Variants in PLXNB2 observed in about 807,000 individuals in gnomAD.
PLXNB2 encodes plexin-B2.
A neutral mutation model predicts 202.6 loss-of-function variants in PLXNB2; 85 were observed. The ratio of observed to expected loss-of-function variants is 0.42; its 90% CI spans 0.35 to 0.50. PLXNB2 has a LOEUF of 0.50. Ranked by LOEUF, PLXNB2 falls within the 20% of genes least tolerant of loss-of-function variation. The pLI is 0.02. For synonymous variants in PLXNB2, 1,239 were observed against 1,137.6 expected (o/e 1.09, Z -1.79); for missense variants, 2,063 against 2,586.2 (o/e 0.80, Z 4.39).
intron 27 of PLXNB2, 96 bp from the exon 28 acceptor site, chr22:50,279,107 A>G: frequency 1.5e-6 from 2 of 1,353,194 alleles, no homozygotes; most frequent in Non-Finnish European, 1.0e-6. Flanking sequence ...TGCCCACCAC[A>G]GCGGCACCCT....
chr22:50,285,863 CA>C lies in PLXNB2; in HGVS notation c.2024del (p.Leu675ArgfsTer2). The C allele has an allele frequency of 6.2e-7, 1 of 1,612,960 alleles. No individual in the cohort carries two copies. Among genetic ancestry groups the C allele is most frequent in the Non-Finnish European group, 8.5e-7 (1 of 1,179,874 alleles). On this transcript the variant is annotated frameshift_variant, in exon 11 of 37. Coordinates refer to ENST00000359337, the MANE Select transcript of PLXNB2 (RefSeq NM_012401.4). LOFTEE classifies it high-confidence loss of function. Reference protein sequence around the residue: ...SCPQFLGPSPLVIPMNHETDV... With the variant: ...SCPQFLGPSPXVIPMNHETDV... ...CTGTCTCGTGGTTCATGGGGATCAC[CA>C]GGGGGCTGGGTCCCAGGAACTGGGG...
chr22:50,306,905 C>T (rs1004559713), intron 1 of PLXNB2, among the ~76,000 whole-genome samples: 1 of 152,240 alleles, frequency 6.6e-6, no homozygotes, highest in African/African-American at 2.4e-5. Flanking sequence ...CCGAATAGCC[C>T]GACCAGGGGC....
rs1454388486 is a variant in PLXNB2 at position 50,289,870 on chromosome 22, G to A, written c.715C>T (p.Pro239Ser). ...GCCAGCAGCGTGCGGTTCCGGGCCG[G>A]GTGCTTGTCCTGCTGGTTGAAGACA... is the stretch of plus-strand genomic sequence containing the variant. ...FFVFNQQDKH[P>S]ARNRTLLARM... Residue 239 changes from proline to serine, a missense_variant, in exon 3 of 37, where the codon CCG becomes TCG. By Grantham distance (74) the Pro-to-Ser change is moderately conservative. Coordinates refer to ENST00000359337, the MANE Select transcript of PLXNB2 (RefSeq NM_012401.4). The surrounding 1 kb of genome is among the most constrained non-coding windows in gnomAD (Gnocchi z 8.0). The A allele has an allele frequency of 4.3e-6, 7 of 1,613,272 alleles. No individual in the cohort carries two copies. The highest frequency in any genetic ancestry group is 3.3e-5 in the South Asian group (3 of 91,090).
chr22:50,280,814 C>A lies in PLXNB2; in HGVS notation c.3923G>T (p.Arg1308Leu). The A allele has an allele frequency of 6.2e-7, 1 of 1,613,310 alleles. No individual in the cohort carries two copies. Among genetic ancestry groups the A allele is most frequent in the Non-Finnish European group, 8.5e-7 (1 of 1,179,932 alleles). ...ITGKLDIPEPRRPVVEQALYQ... is the reference protein window; with the variant it reads ...ITGKLDIPEPLRPVVEQALYQ... ...GAGGGCCTGCTCCACCACCGGCCGC[C>A]GCGGCTCAGGGATGTCCAGCTTGCC... Residue 1308 changes from arginine (R) to leucine (L), a missense_variant, in exon 24 of 37, where the codon CGG becomes CTG. Around this residue, in one of 2 missense-constraint regions of PLXNB2, gnomAD observed 760 missense variants for 1,109.4 expected, o/e 0.69. Transcript: ENST00000359337.
chr22:50,289,164 T>A lies in PLXNB2; in HGVS notation c.1069-22A>T. On this transcript the variant is annotated intron_variant, in intron 3 of 36. Transcript: ENST00000359337. This position sits in a 1 kb window ranked among gnomAD's most constrained non-coding sequence, Gnocchi z 8.0. ...AGCCCTGCGGACCACAGCGTGTCAA[T>A]GGCAGGCAGACCCCCTGTCCTGAAG... 1 of 1,535,362 alleles carries A rather than the reference T, an allele frequency of 6.5e-7. No homozygotes were observed.
intron 27 of PLXNB2, 22 bp from the exon 28 acceptor site, chr22:50,279,033 A>C: frequency 1.3e-6 from 2 of 1,586,880 alleles, no homozygotes; most frequent in South Asian, 1.2e-5. Flanking sequence ...TCCGGGATGA[A>C]GCCCAGTGGG....
chr22:50,301,626 C>G (rs1293737140), intron 1 of PLXNB2, among the ~76,000 whole-genome samples: 1 of 152,210 alleles, frequency 6.6e-6, no homozygotes, highest in African/African-American at 2.4e-5. Flanking sequence ...CCAGCTCAAC[C>G]CCGCAGCAGC....
chr22:50,286,233 G>A lies in PLXNB2; in HGVS notation c.1817C>T (p.Thr606Met), dbSNP rs751022390. The change falls in exon 9 of 37, where the codon ACG (threonine) becomes ATG (methionine). Residue 606 changes from threonine (T) to methionine (M), a missense_variant. This residue lies in a region of PLXNB2 where 1,303 missense variants were observed against 1,476.8 expected (regional missense o/e 0.88). Transcript: ENST00000359337. ...GTCGTAGAAGGGGTACTGGTAGGACGTGAGGAAGATGTTGCCTCGTCTAAG... is the reference window on the plus strand; with the variant it reads ...GTCGTAGAAGGGGTACTGGTAGGACATGAGGAAGATGTTGCCTCGTCTAAG... ...LLLRRGNIFL[T>M]SYQYPFYDCR... 23 of 1,613,304 alleles carry A rather than the reference G, an allele frequency of 1.4e-5. No homozygotes were observed. The East Asian group carries it at 1.8e-4, about 13-fold the overall frequency.
intron 1 of PLXNB2, among the ~76,000 whole-genome samples, chr22:50,307,123 G>A (rs2067914462): frequency 6.6e-6 from 1 of 152,176 alleles, no homozygotes; most frequent in South Asian, 2.1e-4. Context: ...CGCCAAGCAG[G>A]CCCCAGGGGG....
rs754714515 is a variant in PLXNB2 at position 50,281,607 on chromosome 22, G to A, written c.3481C>T (p.Arg1161Trp). The part of the protein sequence containing the change: ...PPEVQPPPKR[R>W]QKRDTTHNLP... ...TTGTGTGTGGTGTCTCGTTTCTGCCGCCGCTTGGGCGGGGGCTGCACCTCC... is the reference window on the plus strand; with the variant it reads ...TTGTGTGTGGTGTCTCGTTTCTGCCACCGCTTGGGCGGGGGCTGCACCTCC... The change falls in exon 21 of 37, where the codon CGG becomes TGG. Residue 1161 changes from arginine to tryptophan, a missense_variant. Arg to Trp is a moderately radical substitution (Grantham distance 101). This residue lies in a region of PLXNB2 where 760 missense variants were observed against 1,109.4 expected (regional missense o/e 0.69). Coordinates refer to ENST00000359337, the MANE Select transcript of PLXNB2 (RefSeq NM_012401.4). 26 of 1,609,884 alleles carry A rather than the reference G, an allele frequency of 1.6e-5. No individual in the cohort carries two copies. The highest frequency in any genetic ancestry group is 2.2e-5 in the East Asian group (1 of 44,808).
intron 1 of PLXNB2, among the ~76,000 whole-genome samples, chr22:50,304,968 C>T (rs1247679437): frequency 2.0e-5 from 3 of 152,210 alleles, no homozygotes; most frequent in South Asian, 2.1e-4. Flanking sequence ...CCAAGGAGGG[C>T]GGCCAGGCTG....
rs192965378 is a variant in PLXNB2, at chr22:50,288,030, C to T, written c.1388G>A (p.Arg463Gln). The change falls in exon 6 of 37, where the codon CGG becomes CAG. Residue 463 changes from arginine (R) to glutamine (Q), a missense_variant. By Grantham distance (43) the Arg-to-Gln change is conservative. Transcript: ENST00000359337. This position sits in a 1 kb window ranked among gnomAD's most constrained non-coding sequence, Gnocchi z 5.0. Reference sequence around the variant, plus strand: ...GCTCAGGCACTCCTGCACCGGCAGCCGGAACACCTAGGGCAGCGGGGCCGT... The same window carrying T: ...GCTCAGGCACTCCTGCACCGGCAGCTGGAACACCTAGGGCAGCGGGGCCGT... ...LYAMTQDKVFRLPVQECLSYP... is the reference protein window; with the variant it reads ...LYAMTQDKVFQLPVQECLSYP... 410 of 1,558,448 alleles carry T rather than the reference C, an allele frequency of 2.6e-4. 5 individuals carry two copies. The East Asian group carries it at 8.6e-3, about 33-fold the overall frequency.
rs761785573 is a variant in PLXNB2, at chr22:50,290,013, G to C, written c.572C>G (p.Thr191Ser). ...GGCTTCAAAGGCCTCCCTGCTGTCA[G>C]TCCGGTCCAACAGCCGAGTGCTCAC... ...IIVSTRLLDR[T>S]DSREAFEAYT... Residue 191 changes from threonine to serine, a missense_variant, in exon 3 of 37, where the codon ACT (threonine) becomes AGT (serine). By Grantham distance (58) the Thr-to-Ser change is moderately conservative (BLOSUM62 1). Coordinates refer to ENST00000359337, the MANE Select transcript of PLXNB2 (RefSeq NM_012401.4). 10 of 1,613,304 alleles carry C rather than the reference G, an allele frequency of 6.2e-6. No homozygotes were observed. In the Admixed American group the frequency reaches 1.2e-4, roughly 19 times the overall value.
Position 50,284,798 on chromosome 22 carries a change from A to G in PLXNB2, c.2089-133T>C. On this transcript the variant is annotated intron_variant, in intron 11 of 36. Coordinates refer to ENST00000359337, the MANE Select transcript of PLXNB2 (RefSeq NM_012401.4). This position sits in a 1 kb window ranked among gnomAD's most constrained non-coding sequence, Gnocchi z 8.0. ...CTCACCCCACACATGCCCGCCCCTC[A>G]GATTACCATGCCAGCTGACCCCTCG... is the stretch of plus-strand genomic sequence containing the variant. The G allele has an allele frequency of 1.3e-6, 1 of 785,200 alleles. No individual in the cohort carries two copies. The highest frequency in any genetic ancestry group is 2.3e-6 in the Non-Finnish European group (1 of 428,592). 48.6% of individuals were successfully genotyped at this position (785,200 alleles called of 1,614,324 possible). A position where few individuals can be genotyped will look rare whatever the true frequency, so the allele number is the denominator to read the frequency against.
Position 50,284,597 on chromosome 22 carries a change from C to G in PLXNB2, c.2157G>C (p.Gly719=). The change falls in exon 12 of 37, where the codon GGG becomes GGC. Residue 719 remains glycine, a synonymous_variant. Transcript: ENST00000359337. This position sits in a 1 kb window ranked among gnomAD's most constrained non-coding sequence, Gnocchi z 8.0. ...FMEPVTMQES[G]TFAFRTPKLS... ...CCTTTGGGGTCCGAAAGGCGAAGGT[C>G]CCAGATTCCTGCATGGTCACCGGCT... 1 of 1,611,178 alleles carries G rather than the reference C, an allele frequency of 6.2e-7. No homozygotes were observed. The highest frequency in any genetic ancestry group is 1.3e-5 in the African/African-American group (1 of 74,842).
rs1262926037 is a variant in PLXNB2, at chr22:50,275,553, C to T, written c.*151G>A. 3.1e-5 allele frequency: 20 copies of T among 649,688 alleles called. No homozygotes were observed. In the East Asian group the frequency reaches 3.8e-4, roughly 12 times the overall value. The allele number at this position is 649,688 out of a possible 1,614,324, so 40.2% of individuals were successfully genotyped here. A position where few individuals can be genotyped will look rare whatever the true frequency, so the allele number is the denominator to read the frequency against. On this transcript the variant is annotated 3_prime_UTR_variant, in exon 37 of 37. Transcript: ENST00000359337. ...TCAGAGGAAGATGCTACAGTCTAGA[C>T]GCTGGGCGGGTTCCGGCTGCACCCA... is the stretch of plus-strand genomic sequence containing the variant.
At position 50,277,835 on chromosome 22, in the gene PLXNB2, G is replaced by A. The variant is rs763970080; in HGVS notation, c.5048+18C>T. ...GGCGGAGCCGGGGCTGGGCCGCGGG[G>A]TGGGTGTGGAGCCTCACCTGTTCGT... On this transcript the variant is annotated intron_variant, in intron 32 of 36. Coordinates refer to ENST00000359337, the MANE Select transcript of PLXNB2 (RefSeq NM_012401.4). 20 of 1,609,116 alleles carry A rather than the reference G, an allele frequency of 1.2e-5. No individual in the cohort carries two copies. The highest frequency in any genetic ancestry group is 1.5e-5 in the Non-Finnish European group (18 of 1,176,684).
chr22:50,289,453 A>G lies in PLXNB2; in HGVS notation c.1068+64T>C. ...CGTGCACCCTCCCCAGCAGGCTGGGACACGCAAACCCACGAACGGACGCCT... is the reference window on the plus strand; with the variant it reads ...CGTGCACCCTCCCCAGCAGGCTGGGGCACGCAAACCCACGAACGGACGCCT... On this transcript the variant is annotated intron_variant, in intron 3 of 36. Coordinates refer to ENST00000359337, the MANE Select transcript of PLXNB2 (RefSeq NM_012401.4). The surrounding 1 kb of genome is among the most constrained non-coding windows in gnomAD (Gnocchi z 8.0). The G allele has an allele frequency of 6.7e-7, 1 of 1,495,006 alleles. No homozygotes were observed. The allele number at this position is 1,495,006 out of a possible 1,614,324, so 92.6% of individuals were successfully genotyped here.
At chr22:50,300,435 G>T in intron 1 of PLXNB2, 1 of 481,388 alleles carries the variant, frequency 2.1e-6, no homozygotes, top group Non-Finnish European at 2.7e-6. Flanking sequence ...TGCCAATCAT[G>T]CACGACCCTG....
Sources: gnomAD v4.1 joint callset for allele counts (sites outside exome capture counted in the v4.1 genomes callset) on GRCh38, gnomAD v4.1.1 for gene constraint, gnomAD v4.1.1 regional missense constraint, Gnocchi (gnomAD v3.1) non-coding constraint, MANE v1.5 for transcripts, NCBI Gene and HGNC (gene_info 2026-07-23, HGNC 2026-07-21) for gene names.